Variants in RBFOX1 observed in about 807,000 individuals in gnomAD.
RBFOX1 encodes the protein RNA binding protein fox-1 homolog 1.
In RBFOX1, 8 loss-of-function variants were observed where a neutral mutation model predicts 57.7. That is an observed-to-expected ratio of 0.14 (90% confidence interval 0.08 to 0.25). The LOEUF (loss-of-function observed/expected upper bound fraction) is 0.25, where lower values mean the gene tolerates loss of function less well. RBFOX1 is among the 10% of genes least tolerant of loss of function. RBFOX1 has a pLI of 1.00. For missense variants in RBFOX1, 611 were observed against 548.5 expected (o/e 1.11, Z -1.14); for synonymous variants, 326 against 222.4 (o/e 1.47, Z -4.15).
At chr16:6,789,961 C>T (rs979214351) in intron 3 of RBFOX1, among the ~76,000 whole-genome samples, 1 of 151,552 alleles carries the variant, frequency 6.6e-6, no homozygotes, top group Non-Finnish European at 1.5e-5. Flanking sequence ...GATTTCTGGT[C>T]TTCCGTAACT....
intron 3 of RBFOX1, among the ~76,000 whole-genome samples, chr16:6,752,562 G>C (rs946474261): frequency 6.6e-6 from 1 of 152,164 alleles, no homozygotes; most frequent in African/African-American, 2.4e-5. Flanking sequence ...CTAAAGAATA[G>C]AGTGATACTC....
At chr16:5,429,799 A>C (rs1384977934) in intron 1 of RBFOX1, among the ~76,000 whole-genome samples, 1 of 152,152 alleles carries the variant, frequency 6.6e-6, no homozygotes. Flanking sequence ...GTGATTTAGT[A>C]ATCGTCTATT....
intron 3 of RBFOX1, among the ~76,000 whole-genome samples, chr16:6,859,660 C>T (rs1403399115): frequency 6.6e-6 from 1 of 152,094 alleles, no homozygotes; most frequent in Non-Finnish European, 1.5e-5. Flanking sequence ...GTGAGATACT[C>T]AATAATGGAA....
chr16:7,004,673 G>C (rs969402915), intron 3 of RBFOX1, among the ~76,000 whole-genome samples: 2 of 152,158 alleles, frequency 1.3e-5, no homozygotes, highest in Non-Finnish European at 2.9e-5. Context: ...TTTCTATATA[G>C]GGAAAATATA....
chr16:6,534,299 C>T (rs559706972), intron 2 of RBFOX1, among the ~76,000 whole-genome samples: 143 of 152,020 alleles, frequency 9.4e-4, no homozygotes, highest in African/African-American at 3.3e-3. Flanking sequence ...ATGTGTATAA[C>T]ATACTCAGCA....
intron 2 of RBFOX1, among the ~76,000 whole-genome samples, chr16:5,502,774 C>G (rs984683106): frequency 1.3e-5 from 2 of 152,160 alleles, no homozygotes. Context: ...CCCCCGAAGG[C>G]TGGAACTTTA....
At chr16:5,616,834 T>C (rs1203368585) in intron 3 of RBFOX1, among the ~76,000 whole-genome samples, 3 of 149,486 alleles carry the variant, frequency 2.0e-5, no homozygotes, top group Non-Finnish European at 4.5e-5. Context: ...TCTTTCTCTT[T>C]CTTCTCCTCC....
chr16:6,839,868 C>A (rs1316803668), intron 3 of RBFOX1, among the ~76,000 whole-genome samples: 2 of 152,176 alleles, frequency 1.3e-5, no homozygotes, highest in Non-Finnish European at 2.9e-5. Context: ...TTTGGGGTAT[C>A]TTTTCCCCTC....
At chr16:5,554,673 G>C (rs1416179456) in intron 2 of RBFOX1, among the ~76,000 whole-genome samples, 4 of 152,078 alleles carry the variant, frequency 2.6e-5, no homozygotes, top group African/African-American at 9.7e-5. Flanking sequence ...CAAATGAATT[G>C]GTTAGTATTG....
intron 4 of RBFOX1, among the ~76,000 whole-genome samples, chr16:5,952,913 A>G (rs1188545994): frequency 1.3e-5 from 2 of 152,142 alleles, no homozygotes; most frequent in Non-Finnish European, 2.9e-5. Flanking sequence ...TGTGCTCAGG[A>G]TCAAGAATCT....
intron 2 of RBFOX1, among the ~76,000 whole-genome samples, chr16:5,482,945 G>A (rs954428902): frequency 6.6e-6 from 1 of 152,178 alleles, no homozygotes; most frequent in Admixed American, 6.5e-5. Flanking sequence ...CAGCTTATGG[G>A]TTAGAAGTCC....
chr16:7,233,632 A>T (rs983326402), intron 4 of RBFOX1, among the ~76,000 whole-genome samples: 1 of 152,232 alleles, frequency 6.6e-6, no homozygotes, highest in South Asian at 2.1e-4. Context: ...TGGACATCCG[A>T]TTGTTTCCCT....
intron 4 of RBFOX1, among the ~76,000 whole-genome samples, chr16:7,347,070 G>C (rs2097024864): frequency 6.6e-6 from 1 of 152,176 alleles, no homozygotes; most frequent in African/African-American, 2.4e-5. Context: ...AGAATTTATG[G>C]ACATATTTTG....
At chr16:7,214,343 C>T (rs945398697) in intron 4 of RBFOX1, among the ~76,000 whole-genome samples, 3 of 152,038 alleles carry the variant, frequency 2.0e-5, no homozygotes, top group Admixed American at 2.0e-4. Context: ...CCTGTAGATC[C>T]CTACTTTAGC....
At chr16:7,216,454 A>G (rs530131755) in intron 4 of RBFOX1, among the ~76,000 whole-genome samples, 1 of 152,168 alleles carries the variant, frequency 6.6e-6, no homozygotes, top group African/African-American at 2.4e-5. Context: ...CGAAAGTTCT[A>G]GACCAGTCTG....
At chr16:6,633,539 C>G (rs888694849) in intron 2 of RBFOX1, among the ~76,000 whole-genome samples, 2 of 152,156 alleles carry the variant, frequency 1.3e-5, no homozygotes, top group African/African-American at 4.8e-5. Context: ...AGTGATCCCC[C>G]CACCTGGGCC....
At chr16:6,005,220 G>A (rs915033493) in intron 4 of RBFOX1, among the ~76,000 whole-genome samples, 3 of 152,110 alleles carry the variant, frequency 2.0e-5, no homozygotes, top group Non-Finnish European at 4.4e-5. Flanking sequence ...TGGAAAGAGG[G>A]GAAAAACACC....
intron 4 of RBFOX1, among the ~76,000 whole-genome samples, chr16:7,434,438 C>T (rs1254529511): frequency 6.6e-6 from 1 of 151,886 alleles, no homozygotes; most frequent in African/African-American, 2.4e-5. Context: ...CACCACTGCA[C>T]TCCAGCCCGG....
chr16:5,608,101 A>AGTGGTT (rs1284368406), intron 3 of RBFOX1, among the ~76,000 whole-genome samples: 1 of 152,204 alleles, frequency 6.6e-6, no homozygotes, highest in Non-Finnish European at 1.5e-5. Flanking sequence ...AGTTGCCCAA[A>AGTGGTT]GTGGTTGTTC....
Sources: allele counts gnomAD v4.1 joint callset (sites outside exome capture counted in the v4.1 genomes callset), GRCh38; gene constraint gnomAD v4.1.1; transcripts MANE v1.5; gene names NCBI Gene and HGNC (gene_info 2026-07-23, HGNC 2026-07-21).